The following BBS2 variants were observed in gnomAD, a reference collection of about 807,000 sequenced individuals.
BBS2 encodes Bardet-Biedl syndrome 2.
Under a neutral mutation model 83.0 loss-of-function variants are expected in BBS2, and 62 were observed. The observed-to-expected ratio is 0.75, with a 90% CI of 0.61 to 0.92. BBS2 has a LOEUF of 0.92. Among genes scored for constraint, BBS2 ranks in the 40% least tolerant of loss-of-function variants. The pLI is 0.00. For synonymous variants in BBS2, 303 were observed against 326.1 expected (o/e 0.93, Z 0.76); for missense variants, 784 against 901.0 (o/e 0.87, Z 1.66).
intron 11 of BBS2, chr16:56,500,163 T>C: frequency 2.3e-6 from 1 of 428,976 alleles, no homozygotes; most frequent in Non-Finnish European, 4.3e-6. Context: ...ATGTAAAAAG[T>C]ATCTTATCTT....
At chr16:56,497,246 T>G (rs1363872757) in intron 14 of BBS2, 167 bp from the exon 15 acceptor site, 1 of 664,880 alleles carries the variant, frequency 1.5e-6, no homozygotes, top group East Asian at 2.7e-5. Context: ...ACAAGTTAAC[T>G]CATCTGTGCT....
At chr16:56,500,120 C>G (rs1964225155) in intron 11 of BBS2, 2 of 532,948 alleles carry the variant, frequency 3.8e-6, no homozygotes, top group Admixed American at 6.0e-5. Context: ...TATATACCTG[C>G]ATGCACTAAG....
At chr16:56,491,755 A>G (rs1478767992) in intron 15 of BBS2, among the ~76,000 whole-genome samples, 1 of 150,014 alleles carries the variant, frequency 6.7e-6, no homozygotes, top group Non-Finnish European at 1.5e-5. Context: ...AACACTAGTA[A>G]TCCAATTAAA....
chr16:56,491,487 C>T (rs1205480229), intron 15 of BBS2, among the ~76,000 whole-genome samples: 1 of 152,096 alleles, frequency 6.6e-6, no homozygotes, highest in Admixed American at 6.5e-5. Flanking sequence ...AAGCGGATGC[C>T]AGTGCCATGT....
intron 17 of BBS2, chr16:56,478,070 TAAAAAG>T (rs1318389282): frequency 1.3e-5 from 2 of 152,204 alleles, no homozygotes; most frequent in East Asian, 1.9e-4. Flanking sequence ...AATGATGAGA[TAAAAAG>T]AAATATCTAG....
At position 56,506,107 on chromosome 16, in the gene BBS2, A is replaced by C; in HGVS notation, c.717+13T>G. ...ATCAAGCGCCTGAATATCAAAGGCT[A>C]AATTATACTAACTTTAATTCTCCAG... On this transcript the variant is annotated intron_variant, in intron 6 of 16. Coordinates refer to ENST00000245157, the MANE Select transcript of BBS2 (RefSeq NM_031885.5). 6.2e-7 allele frequency: 1 copy of C among 1,611,982 alleles called. No individual in the cohort carries two copies. The highest frequency in any genetic ancestry group is 8.5e-7 in the Non-Finnish European group (1 of 1,178,054).
intron 1 of BBS2, among the ~76,000 whole-genome samples, chr16:56,516,689 C>T (rs904209383): frequency 1.3e-5 from 2 of 152,050 alleles, no homozygotes; most frequent in African/African-American, 2.4e-5. Context: ...CCACCATGCC[C>T]GGCCAGAGAT....
intron 15 of BBS2, among the ~76,000 whole-genome samples, chr16:56,493,477 A>G (rs1159485503): frequency 1.3e-5 from 2 of 151,578 alleles, no homozygotes; most frequent in African/African-American, 4.8e-5. Flanking sequence ...GTGTGTGTGT[A>G]TATATCTGTG....
At chr16:56,470,864 A>T in intron 17 of BBS2, 1 of 1,391,106 alleles carries the variant, frequency 7.2e-7, no homozygotes. Flanking sequence ...CATTCAACAA[A>T]CATTTATTGA....
intron 17 of BBS2, chr16:56,476,719 A>ATAT (rs1567559550): frequency 6.6e-6 from 1 of 152,518 alleles, no homozygotes; most frequent in African/African-American, 2.4e-5. Context: ...TTCACTACTC[A>ATAT]TATTTCTCAT....
rs745430885 is a variant in BBS2, at chr16:56,514,616, G to A, written c.182C>T (p.Pro61Leu). 7 of 1,613,992 alleles carry A rather than the reference G, an allele frequency of 4.3e-6. No individual in the cohort carries two copies. The highest frequency in any genetic ancestry group is 5.9e-6 in the Non-Finnish European group (7 of 1,180,022). Residue 61 changes from proline to leucine, a missense_variant, in exon 2 of 17, where the codon CCC becomes CTC. Transcript: ENST00000245157. ...HVSASRVFQS[P>L]LESDVSLLSI... ...GAGAAGAGAAACATCAGATTCCAGGGGGCTCTGGAAGACCCTGGATGCACT... is the reference window on the plus strand; with the variant it reads ...GAGAAGAGAAACATCAGATTCCAGGAGGCTCTGGAAGACCCTGGATGCACT...
chr16:56,487,974 T>C (rs78164956), intron 15 of BBS2, among the ~76,000 whole-genome samples: 2,420 of 152,244 alleles, frequency 0.016, 70 homozygotes, highest in African/African-American at 0.055. Flanking sequence ...GTTTAAGAGA[T>C]AAAGAATTAT....
At position 56,510,897 on chromosome 16, in the gene BBS2, AGGAATTAACATT is replaced by A. The variant is rs2144180368; in HGVS notation, c.484_495del (p.Asn162_Ser165del). 1.4e-5 allele frequency: 22 copies of A among 1,614,210 alleles called. No homozygotes were observed. Among genetic ancestry groups the A allele is most frequent in the Non-Finnish European group, 1.9e-5 (22 of 1,180,034 alleles). ...TCACCATCAAAGTCACACAAGGCCA[AGGAATTAACATT>A]GTCTCCAGTAACCTGAAAATAAAAC... On this transcript the variant is annotated inframe_deletion, in exon 4 of 17. Coordinates refer to ENST00000245157, the MANE Select transcript of BBS2 (RefSeq NM_031885.5).
chr16:56,480,354 A>C (rs374831757), downstream of BBS2, among the ~76,000 whole-genome samples: 979 of 100,688 alleles, frequency 9.7e-3, 10 homozygotes, highest in African/African-American at 0.038. Context: ...CACACACACA[A>C]AAAAAAAAAA....
At chr16:56,507,942 T>C (rs928560979) in intron 5 of BBS2, among the ~76,000 whole-genome samples, 1 of 152,130 alleles carries the variant, frequency 6.6e-6, no homozygotes, top group African/African-American at 2.4e-5. Context: ...CACTCCAGCA[T>C]GGGCGACAAG....
chr16:56,497,588 G>A, intron 14 of BBS2, 155 bp downstream of exon 14: 1 of 957,254 alleles, frequency 1.0e-6, no homozygotes, highest in Non-Finnish European at 1.6e-6. Context: ...TCCTTAAGTA[G>A]TAAACTCTCC....
chr16:56,479,532 G>A, downstream of BBS2, among the ~76,000 whole-genome samples: 1 of 152,178 alleles, frequency 6.6e-6, no homozygotes, highest in East Asian at 1.9e-4. Context: ...TGCTCATTGT[G>A]AGGTAATAAC....
chr16:56,498,699 T>C (rs1422077115), intron 12 of BBS2, 131 bp from the exon 13 acceptor site: 2 of 1,546,332 alleles, frequency 1.3e-6, no homozygotes, highest in South Asian at 2.4e-5. Context: ...TTTTACTGCT[T>C]TGTTGAGAAA....
In BBS2 at chr16:56,519,902, A is replaced by G. The variant is rs115078074; in HGVS notation, c.-40T>C. On this transcript the variant is annotated 5_prime_UTR_variant, in exon 1 of 17. Coordinates refer to ENST00000245157, the MANE Select transcript of BBS2 (RefSeq NM_031885.5). ...AGGGGAGGAGGGCTGGAAGCTGGAG[A>G]CAAGCGCAGCGGAGCTGGCCTCACG... 82,878 of 1,553,382 alleles carry G rather than the reference A, an allele frequency of 0.053. 3,383 individuals carry two copies. The highest frequency in any genetic ancestry group is 0.15 in the African/African-American group (10,721 of 73,662).
Sources: gnomAD v4.1 joint callset for allele counts (sites outside exome capture counted in the v4.1 genomes callset) on GRCh38, gnomAD v4.1.1 for gene constraint, MANE v1.5 for transcripts, NCBI Gene and HGNC (gene_info 2026-07-23, HGNC 2026-07-21) for gene names.